BCL11A: variants seen among roughly 807,000 people sequenced by gnomAD.
BCL11A encodes B cell CLL/lymphoma 11A.
Under a neutral mutation model 55.9 loss-of-function variants are expected in BCL11A, and 2 were observed. The ratio of observed to expected loss-of-function variants is 0.04; its 90% CI spans 0.01 to 0.11. BCL11A has a LOEUF of 0.11. Ranked by LOEUF, BCL11A falls within the 10% of genes least tolerant of loss-of-function variation. BCL11A has a pLI of 1.00. For synonymous variants in BCL11A, 465 were observed against 473.4 expected, an observed-to-expected ratio of 0.98 and a Z score of 0.23; for missense variants, 817 against 1,137.1, an observed-to-expected ratio of 0.72 and a Z score of 4.05.
At chr2:60,539,873 C>G (rs890277379) in intron 2 of BCL11A, among the ~76,000 whole-genome samples, 1 of 152,048 alleles carries the variant, frequency 6.6e-6, no homozygotes, top group African/African-American at 2.4e-5. Flanking sequence ...CTGATATTGG[C>G]CAGTGCTCTA....
At position 60,546,370 on chromosome 2, in the gene BCL11A, C is replaced by T. The variant is rs1558520390; in HGVS notation, c.56-70G>A. ...GGACAGAAAGGGGAGAAGCACATCT[C>T]AACCCCATGCCATCCCACCACATCA... On this transcript the variant is annotated intron_variant, in intron 1 of 3. Coordinates refer to ENST00000642384, the MANE Select transcript of BCL11A (RefSeq NM_022893.4). This position sits in a 1 kb window ranked among gnomAD's most constrained non-coding sequence, Gnocchi z 4.1. The T allele has an allele frequency of 2.3e-6, 3 of 1,291,884 alleles. No individual in the cohort carries two copies. The highest frequency in any genetic ancestry group is 3.3e-6 in the Non-Finnish European group (3 of 918,054). The allele number at this position is 1,291,884 out of a possible 1,614,324, so 80.0% of individuals were successfully genotyped here.
intron 2 of BCL11A, among the ~76,000 whole-genome samples, chr2:60,497,290 A>G (rs549651848): frequency 5.9e-5 from 9 of 152,218 alleles, no homozygotes; most frequent in Non-Finnish European, 8.8e-5. Flanking sequence ...AGAGGGGGGA[A>G]AATCTTTTGT....
chr2:60,482,007 T>C (rs565270426), intron 2 of BCL11A, among the ~76,000 whole-genome samples: 1 of 152,280 alleles, frequency 6.6e-6, no homozygotes, highest in East Asian at 1.9e-4. Flanking sequence ...GTTGGACTGA[T>C]GTTTCCCAGT....
intron 2 of BCL11A, among the ~76,000 whole-genome samples, chr2:60,514,896 G>C (rs1198708880): frequency 6.6e-6 from 1 of 150,698 alleles, no homozygotes; most frequent in Admixed American, 6.6e-5. Context: ...AGAAAAGAGA[G>C]ACAGAGAGAG....
chr2:60,502,522 T>C (rs1402971842), intron 2 of BCL11A, among the ~76,000 whole-genome samples: 1 of 152,212 alleles, frequency 6.6e-6, no homozygotes, highest in African/African-American at 2.4e-5. Flanking sequence ...ATCTCAGGTA[T>C]TGCTCCTAAA....
intron 2 of BCL11A, among the ~76,000 whole-genome samples, chr2:60,477,579 A>G (rs1677682444): frequency 6.7e-6 from 1 of 148,244 alleles, no homozygotes; most frequent in Non-Finnish European, 1.5e-5. Flanking sequence ...CTGCACATGT[A>G]TCCCAGAACT....
chr2:60,528,162 T>G (rs1477630724), intron 2 of BCL11A: 5 of 152,540 alleles, frequency 3.3e-5, no homozygotes, highest in Non-Finnish European at 7.3e-5. Context: ...GCACACTCAC[T>G]CACACTCAGT....
At chr2:60,497,133 A>AAGCTAG (rs1277673295) in intron 2 of BCL11A, among the ~76,000 whole-genome samples, 1 of 152,156 alleles carries the variant, frequency 6.6e-6, no homozygotes, top group Non-Finnish European at 1.5e-5. Context: ...AGCATCCCCT[A>AAGCTAG]AGCTAGAGCT....
At position 60,461,249 on chromosome 2, in the gene BCL11A, T is replaced by A. The variant is rs770356174; in HGVS notation, c.1663A>T (p.Met555Leu). The A allele has an allele frequency of 6.2e-7, 1 of 1,608,812 alleles. No individual in the cohort carries two copies. Among genetic ancestry groups the A allele is most frequent in the Non-Finnish European group, 8.5e-7 (1 of 1,179,560 alleles). Residue 555 changes from methionine (M) to leucine (L), a missense_variant, in exon 4 of 4, where the codon ATG (methionine) becomes TTG (leucine). Met to Leu is a conservative substitution (Grantham distance 15). Transcript: ENST00000642384. Reference protein sequence around the residue: ...DVMQGMVLSSMQHFSEAFHQV... With the variant: ...DVMQGMVLSSLQHFSEAFHQV... ...TGGAAGGCCTCGCTGAAGTGCTGCA[T>A]GGAGCTGAGCACCATGCCCTGCATG... is the stretch of plus-strand genomic sequence containing the variant.
rs754283858 is a variant in BCL11A, at chr2:60,489,165, GC to G, written c.386-20333del. Among the ~76,000 whole-genome samples, 7 of 152,186 alleles carry G rather than the reference GC, an allele frequency of 4.6e-5. No individual in the cohort carries two copies. In the East Asian group the frequency reaches 1.3e-3, roughly 29 times the overall value. On this transcript the variant is annotated intron_variant, in intron 2 of 3. Transcript: ENST00000642384. Reference sequence around the variant, plus strand: ...TACCTTAGACCCCAATTAAACTGTTGCTTTAGAGTTTGGGGAAAATAAAGTG... The same window carrying G: ...TACCTTAGACCCCAATTAAACTGTTGTTTAGAGTTTGGGGAAAATAAAGTG...
intron 2 of BCL11A, chr2:60,527,674 T>C (rs1283288698): frequency 6.6e-6 from 1 of 152,182 alleles, no homozygotes. Flanking sequence ...AGAGCTCCCA[T>C]CCGATACTCG....
At chr2:60,456,487 G>A (rs1040816566), downstream of BCL11A, among the ~76,000 whole-genome samples, 1 of 152,162 alleles carries the variant, frequency 6.6e-6, no homozygotes, top group African/African-American at 2.4e-5. Flanking sequence ...TAGCATCTAG[G>A]GTTCCTGGGA....
chr2:60,461,623 T>TTGTGCATGTGCG lies in BCL11A; in HGVS notation c.1277_1288dup (p.Thr426_His429dup). The TTGTGCATGTGCG allele has an allele frequency of 6.2e-7, 1 of 1,613,818 alleles. No homozygotes were observed. The highest frequency in any genetic ancestry group is 2.2e-5 in the East Asian group (1 of 44,856). On this transcript the variant is annotated inframe_insertion, in exon 4 of 4. Coordinates refer to ENST00000642384, the MANE Select transcript of BCL11A (RefSeq NM_022893.4). ...GGACTTGACCGTCATGGGGGACGAT[T>TTGTGCATGTGCG]TGTGCATGTGCGTCTTCATGTGGCG... is the stretch of plus-strand genomic sequence containing the variant.
intron 2 of BCL11A, among the ~76,000 whole-genome samples, chr2:60,513,662 C>A (rs1346200937): frequency 6.6e-6 from 1 of 152,154 alleles, no homozygotes; most frequent in African/African-American, 2.4e-5. Context: ...AATGAATAAA[C>A]CCAACAGCAC....
chr2:60,457,364 A>C lies in BCL11A; in HGVS notation c.*3040T>G, dbSNP rs1675987578. 9.8e-7 allele frequency: 1 copy of C among 1,024,162 alleles called. No homozygotes were observed. Among genetic ancestry groups the C allele is most frequent in the Non-Finnish European group, 1.2e-6 (1 of 851,366 alleles). The allele number at this position is 1,024,162 out of a possible 1,614,324, so 63.4% of individuals were successfully genotyped here. On this transcript the variant is annotated 3_prime_UTR_variant, in exon 4 of 4. Coordinates refer to ENST00000642384, the MANE Select transcript of BCL11A (RefSeq NM_022893.4). ...GGTTGTAATGACCTTTGGTCATCTA[A>C]ATAAAAAAAAAAATAAAAACAAAGA...
chr2:60,475,770 A>G (rs1677557835), intron 2 of BCL11A, among the ~76,000 whole-genome samples: 1 of 152,060 alleles, frequency 6.6e-6, no homozygotes, highest in Non-Finnish European at 1.5e-5. Context: ...CGAGGTATTT[A>G]TCAGGTTATT....
At chr2:60,533,285 T>C (rs1272934240) in intron 2 of BCL11A, 1 of 152,142 alleles carries the variant, frequency 6.6e-6, no homozygotes, top group Non-Finnish European at 1.5e-5. Context: ...GATGACTAAA[T>C]TGTTTACTTT....
chr2:60,452,679 T>C (rs1022643055), downstream of BCL11A: 1 of 1,603,500 alleles, frequency 6.2e-7, no homozygotes, highest in Non-Finnish European at 8.5e-7. Flanking sequence ...AGAAAGAGGT[T>C]GGAGACAGAG....
intron 2 of BCL11A, among the ~76,000 whole-genome samples, chr2:60,474,503 C>A (rs1360834305): frequency 1.2e-4 from 18 of 152,202 alleles, no homozygotes; most frequent in Admixed American, 1.1e-3. Context: ...CAATAATATT[C>A]TTTGGCTCTG....
Sources: allele counts gnomAD v4.1 joint callset (sites outside exome capture counted in the v4.1 genomes callset), GRCh38; gene constraint gnomAD v4.1.1; non-coding constraint Gnocchi (gnomAD v3.1); transcripts MANE v1.5; gene names NCBI Gene and HGNC (gene_info 2026-07-23, HGNC 2026-07-21).